Variants in NCF2 observed in about 807,000 individuals in gnomAD.
NCF2 encodes the protein neutrophil cytosolic factor 2, also known as neutrophil cytosol factor 2.
A neutral mutation model predicts 70.9 loss-of-function variants in NCF2; 45 were observed. That is an observed-to-expected ratio of 0.63 (90% confidence interval 0.50 to 0.81). The LOEUF (loss-of-function observed/expected upper bound fraction) is 0.81. Among genes scored for constraint, NCF2 ranks in the 40% least tolerant of loss-of-function variants. NCF2 has a pLI of 0.00. For missense variants in NCF2, 522 were observed against 631.6 expected, an observed-to-expected ratio of 0.83 and a Z score of 1.86; for synonymous variants, 203 against 233.6, an observed-to-expected ratio of 0.87 and a Z score of 1.19.
chr1:183,567,300 A>G lies in NCF2; in HGVS notation c.759T>C (p.Pro253=), dbSNP rs776822572. The G allele has an allele frequency of 1.9e-5, 30 of 1,614,038 alleles. No homozygotes were observed. Among genetic ancestry groups the G allele is most frequent in the Non-Finnish European group, 2.3e-5 (27 of 1,180,036 alleles). ...TGACCTGGAGCTCTTCTTTTGTCTC[A>G]GGCACAAACCCAAATAGCACACGGT... ...EAHRVLFGFV[P]ETKEELQVMP... The change falls in exon 8 of 15, where the codon CCT becomes CCC. Residue 253 remains proline (P), a synonymous_variant. Coordinates refer to ENST00000367535, the MANE Select transcript of NCF2 (RefSeq NM_000433.4).
At chr1:183,583,355 A>G (rs575682354) in intron 2 of NCF2, among the ~76,000 whole-genome samples, 1 of 152,260 alleles carries the variant, frequency 6.6e-6, no homozygotes, top group South Asian at 2.1e-4. Context: ...TGCCCAGCCA[A>G]TCTGAGGGAA....
At position 183,579,857 on chromosome 1, in the gene NCF2, A is replaced by G. The variant is rs10911362; in HGVS notation, c.258-2150T>C. ...CTTCAGACAGTGCCTGGCACACACC[A>G]TAATTTTTTTACTATTGTTTTTGTT... On this transcript the variant is annotated intron_variant, in intron 2 of 14. Transcript: ENST00000367535. Among the ~76,000 whole-genome samples, 18,678 of 151,946 alleles carry G rather than the reference A, an allele frequency of 0.12. 1,712 individuals are homozygous for G. The highest frequency in any genetic ancestry group is 0.25 in the African/African-American group (10,302 of 41,436).
At position 183,557,557 on chromosome 1, in the gene NCF2, A is replaced by G. The variant is rs574066971; in HGVS notation, c.1469-1327T>C. On this transcript the variant is annotated intron_variant, in intron 14 of 14. Transcript: ENST00000367535. ...GAGACCATCTCATAACTTGAATGCA[A>G]TTGAACTCCCCTCTGTCCTACCCTG... is the stretch of plus-strand genomic sequence containing the variant. Among the ~76,000 whole-genome samples, 206 of 152,216 alleles carry G rather than the reference A, an allele frequency of 1.4e-3. 1 individual carries two copies. Among genetic ancestry groups the G allele is most frequent in the Non-Finnish European group, 2.3e-3 (154 of 68,020 alleles).
intron 2 of NCF2, among the ~76,000 whole-genome samples, chr1:183,580,612 G>A (rs1457212634): frequency 5.3e-5 from 8 of 152,130 alleles, no homozygotes; most frequent in Admixed American, 5.2e-4. Context: ...GCTGGGAAGT[G>A]ACACCACCTG....
intron 13 of NCF2, among the ~76,000 whole-genome samples, chr1:183,561,779 CTTTTTTTTTTTTTTTTTTTTTTTT>C (rs57218247): frequency 6.1e-5 from 4 of 65,122 alleles, no homozygotes; most frequent in African/African-American, 1.5e-4. Context: ...TACCAGGCCT[CTTTTTTTTTTTTTTTTTTTTTTTT>C]TTTTTTTTTT....
chr1:183,590,084 G>T, intron 1 of NCF2, 72 bp downstream of exon 1: 2 of 1,603,982 alleles, frequency 1.2e-6, no homozygotes, highest in Non-Finnish European at 1.7e-6. Flanking sequence ...TTAGGTTTCC[G>T]AAATGCAATG....
chr1:183,555,929 C>T lies in NCF2; in HGVS notation c.*189G>A, dbSNP rs1221383928. On this transcript the variant is annotated 3_prime_UTR_variant, in exon 15 of 15. Transcript: ENST00000367535. Reference sequence around the variant, plus strand: ...CCATTCACCTGTCCCCATCTCCTCACCCACTGTGCCCCAGGAAATCATCCT... The same window carrying T: ...CCATTCACCTGTCCCCATCTCCTCATCCACTGTGCCCCAGGAAATCATCCT... 6.2e-6 allele frequency: 4 copies of T among 641,138 alleles called. No individual in the cohort carries two copies. The East Asian group carries it at 1.1e-4, about 18-fold the overall frequency. The allele number at this position is 641,138 out of a possible 1,614,324, so 39.7% of individuals were successfully genotyped here.
intron 3 of NCF2, among the ~76,000 whole-genome samples, chr1:183,576,990 T>C (rs10911360): frequency 4.2e-4 from 64 of 152,314 alleles, no homozygotes; most frequent in African/African-American, 1.5e-3. Context: ...CTTTTGATAA[T>C]AGAGAAAAGA....
chr1:183,568,256 G>C (rs1222075952), intron 7 of NCF2, among the ~76,000 whole-genome samples: 1 of 151,800 alleles, frequency 6.6e-6, no homozygotes, highest in Non-Finnish European at 1.5e-5. Flanking sequence ...TCCACCTCCT[G>C]AGTGCAAGTG....
At chr1:183,589,564 T>C (rs928647877) in intron 1 of NCF2, among the ~76,000 whole-genome samples, 1 of 152,210 alleles carries the variant, frequency 6.6e-6, no homozygotes, top group African/African-American at 2.4e-5. Context: ...ACGAAAAAGA[T>C]GCGAGACATC....
chr1:183,591,768 A>C (rs72550882), upstream of NCF2, among the ~76,000 whole-genome samples: 1 of 152,252 alleles, frequency 6.6e-6, no homozygotes, highest in Admixed American at 6.5e-5. Context: ...GGATTACAGG[A>C]GTGAGCCACC....
At position 183,563,523 on chromosome 1, in the gene NCF2, G is replaced by T; in HGVS notation, c.1089C>A (p.Val363=). 6.2e-7 allele frequency: 1 copy of T among 1,614,132 alleles called. No homozygotes were observed. The highest frequency in any genetic ancestry group is 8.5e-7 in the Non-Finnish European group (1 of 1,180,028). Reference sequence around the variant, plus strand: ...AGGGGAGCCCGGGCTGAGTCTTCATGACTACCGTGTACTTGTAGTGCACCT... The same window carrying T: ...AGGGGAGCCCGGGCTGAGTCTTCATTACTACCGTGTACTTGTAGTGCACCT... ...TLKVHYKYTV[V]MKTQPGLPYS... is the part of the protein sequence containing the mutation. Residue 363 remains valine, a synonymous_variant, in exon 12 of 15, where the codon GTC becomes GTA. Transcript: ENST00000367535.
intron 5 of NCF2, 79 bp from the exon 6 acceptor site, chr1:183,570,918 C>T: frequency 7.1e-7 from 1 of 1,415,312 alleles, no homozygotes; most frequent in Non-Finnish European, 1.0e-6. Context: ...TGCTCATGCC[C>T]TAGACCTGTT....
chr1:183,590,517 C>G (rs763929865), upstream of NCF2: 70 of 695,030 alleles, frequency 1.0e-4, no homozygotes, highest in Non-Finnish European at 1.5e-4. Flanking sequence ...AGGAAATGTC[C>G]CCACCTTTTG....
chr1:183,599,423 C>T, the NCF2 span, among the ~76,000 whole-genome samples: 1,679 of 107,212 alleles, frequency 0.016, 17 homozygotes, highest in African/African-American at 0.031. Context: ...TCTTTCTTTC[C>T]TTCTTTCTTT....
At chr1:183,565,471 A>G (rs931289869) in intron 10 of NCF2, among the ~76,000 whole-genome samples, 3 of 152,212 alleles carry the variant, frequency 2.0e-5, no homozygotes, top group African/African-American at 7.2e-5. Flanking sequence ...AACCAGCTGC[A>G]TTCACCCAAG....
the NCF2 span, among the ~76,000 whole-genome samples, chr1:183,600,118 T>C: frequency 2.0e-5 from 3 of 152,352 alleles, no homozygotes; most frequent in Admixed American, 6.5e-5. Context: ...TTGACTCATA[T>C]AGATTCACAA....
intron 2 of NCF2, among the ~76,000 whole-genome samples, chr1:183,581,813 G>A (rs919018923): frequency 2.6e-5 from 4 of 151,976 alleles, no homozygotes; most frequent in South Asian, 4.1e-4. Context: ...GACTACAGGC[G>A]TCCGCCACCG....
intron 1 of NCF2, 109 bp from the exon 2 acceptor site, chr1:183,587,086 C>A: frequency 1.9e-6 from 2 of 1,078,716 alleles, no homozygotes; most frequent in South Asian, 1.2e-5. Flanking sequence ...GCTCTGCTGT[C>A]TGCCCTCGTC....
Sources: allele counts gnomAD v4.1 joint callset (sites outside exome capture counted in the v4.1 genomes callset), GRCh38; gene constraint gnomAD v4.1.1; transcripts MANE v1.5; gene names NCBI Gene and HGNC (gene_info 2026-07-23, HGNC 2026-07-21).